DYNC1H1: variants seen among roughly 807,000 people sequenced by gnomAD.
DYNC1H1 encodes dynein cytoplasmic 1 heavy chain 1.
Under a neutral mutation model 527.1 loss-of-function variants are expected in DYNC1H1, and 51 were observed. The ratio of observed to expected loss-of-function variants is 0.10; its 90% CI spans 0.08 to 0.12. DYNC1H1 has a LOEUF of 0.12. Among genes scored for constraint, DYNC1H1 ranks in the 10% least tolerant of loss-of-function variants. The pLI, the probability that DYNC1H1 is intolerant of heterozygous loss-of-function variation, is 1.00. For synonymous variants in DYNC1H1, 2,189 were observed against 2,278.8 expected, an observed-to-expected ratio of 0.96 and a Z score of 1.12; for missense variants, 2,771 against 5,971.8, an observed-to-expected ratio of 0.46 and a Z score of 17.66.
chr14:102,041,979 G>T lies in DYNC1H1; in HGVS notation c.12103-34G>T, dbSNP rs747999277. ...CTTGACAGGTACACACTATTTGCTG[G>T]CACTGTAATAACTTCTGCCTTCTTT... On this transcript the variant is annotated intron_variant, in intron 65 of 77. Coordinates refer to ENST00000360184, the MANE Select transcript of DYNC1H1 (RefSeq NM_001376.5). The surrounding 1 kb of genome is among the most constrained non-coding windows in gnomAD (Gnocchi z 4.5). 3.1e-6 allele frequency: 5 copies of T among 1,605,050 alleles called. No homozygotes were observed. Among genetic ancestry groups the T allele is most frequent in the Non-Finnish European group, 4.3e-6 (5 of 1,171,980 alleles).
rs930797389 is a variant in DYNC1H1 at position 101,965,836 on chromosome 14, C to G, written c.256+889C>G. Among the ~76,000 whole-genome samples, 1 of 151,028 alleles carries G rather than the reference C, an allele frequency of 6.6e-6. No individual in the cohort carries two copies. Among genetic ancestry groups the G allele is most frequent in the African/African-American group, 2.4e-5 (1 of 40,988 alleles). On this transcript the variant is annotated intron_variant, in intron 1 of 77. Coordinates refer to ENST00000360184, the MANE Select transcript of DYNC1H1 (RefSeq NM_001376.5). This position sits in a 1 kb window ranked among gnomAD's most constrained non-coding sequence, Gnocchi z 4.1. ...CAGATTAAAAAAAAAAAAAAAGATT[C>G]AGGTTAGGCACCTAGTAGGGGGAAG...
In DYNC1H1 at chr14:102,038,447, G is replaced by C; in HGVS notation, c.10909-13G>C. 1 of 1,613,732 alleles carries C rather than the reference G, an allele frequency of 6.2e-7. No individual in the cohort carries two copies. Among genetic ancestry groups the C allele is most frequent in the Non-Finnish European group, 8.5e-7 (1 of 1,180,040 alleles). On this transcript the variant is annotated splice_polypyrimidine_tract_variant and intron_variant, in intron 57 of 77. Transcript: ENST00000360184. This position sits in a 1 kb window ranked among gnomAD's most constrained non-coding sequence, Gnocchi z 7.2. ...AAGCCCTGACCATCAAGTTCCACCC[G>C]TGTGGAATGCAGGATGTGGAAAGCT...
rs1042077658 is a variant in DYNC1H1, at chr14:102,018,682, C to T, written c.8343+66C>T. 6.3e-6 allele frequency: 10 copies of T among 1,582,452 alleles called. No homozygotes were observed. The Admixed American group carries it at 1.7e-4, about 28-fold the overall frequency. On this transcript the variant is annotated intron_variant, in intron 41 of 77. Transcript: ENST00000360184. This position sits in a 1 kb window ranked among gnomAD's most constrained non-coding sequence, Gnocchi z 5.2. ...CTCATAATTAAGGCACTCGATTGGT[C>T]AGGTGTGGTGGTTCACACCTGTAAT...
intron 17 of DYNC1H1, 48 bp from the exon 18 acceptor site, chr14:102,000,238 G>A (rs1377905252): frequency 2.5e-6 from 4 of 1,613,960 alleles, no homozygotes; most frequent in Non-Finnish European, 3.4e-6. Flanking sequence ...CAGATTCTGG[G>A]GTGATTTCTA....
intron 13 of DYNC1H1, 31 bp from the exon 14 acceptor site, chr14:101,994,955 G>A (rs753561802): frequency 6.2e-6 from 10 of 1,613,226 alleles, no homozygotes; most frequent in Non-Finnish European, 8.5e-6. Flanking sequence ...GGAAAGAGCT[G>A]ATGATGTGTT....
Position 102,018,750 on chromosome 14 carries a change from C to A in DYNC1H1, c.8343+134C>A. 2 of 1,241,538 alleles carry A rather than the reference C, an allele frequency of 1.6e-6. No individual in the cohort carries two copies. The highest frequency in any genetic ancestry group is 2.3e-6 in the Non-Finnish European group (2 of 881,716). The allele number at this position is 1,241,538 out of a possible 1,614,324, so 76.9% of individuals were successfully genotyped here. On this transcript the variant is annotated intron_variant, in intron 41 of 77. Transcript: ENST00000360184. The surrounding 1 kb of genome is among the most constrained non-coding windows in gnomAD (Gnocchi z 5.2). ...CCAAGGTGGGTGGATCCTTTGAGCC[C>A]AGGAGTTTGAGACCAGTCTGGACAA... is the stretch of plus-strand genomic sequence containing the variant.
At position 101,987,541 on chromosome 14, in the gene DYNC1H1, A is replaced by T; in HGVS notation, c.2627A>T (p.Glu876Val). The T allele has an allele frequency of 1.9e-6, 3 of 1,614,214 alleles. No individual in the cohort carries two copies. The highest frequency in any genetic ancestry group is 2.5e-6 in the Non-Finnish European group (3 of 1,180,042). ...ATGTATGACCATAAGACATTCTCGG[A>T]AATCTTGAACAGAGTCCAGAAAGCA... is the stretch of plus-strand genomic sequence containing the variant. ...TCMYDHKTFS[E>V]ILNRVQKAVD... Residue 876 changes from glutamate (E) to valine (V), a missense_variant, in exon 9 of 78, where the codon GAA becomes GTA. Physicochemically the swap from Glu to Val is moderately radical, Grantham distance 121. Around this residue, in one of 32 missense-constraint regions of DYNC1H1, gnomAD observed 179 missense variants for 349.4 expected, o/e 0.51. Coordinates refer to ENST00000360184, the MANE Select transcript of DYNC1H1 (RefSeq NM_001376.5).
intron 11 of DYNC1H1, among the ~76,000 whole-genome samples, chr14:101,993,448 C>T (rs2048021344): frequency 6.6e-6 from 1 of 152,178 alleles, no homozygotes; most frequent in Admixed American, 6.5e-5. Flanking sequence ...GCCCCAGTGG[C>T]TTGCTGGGCC....
At position 102,041,008 on chromosome 14, in the gene DYNC1H1, T is replaced by C; in HGVS notation, c.11941+335T>C. 2.4e-6 allele frequency: 1 copy of C among 415,796 alleles called. No homozygotes were observed. The highest frequency in any genetic ancestry group is 4.5e-6 in the Non-Finnish European group (1 of 221,292). The allele number at this position is 415,796 out of a possible 1,614,324, so 25.8% of individuals were successfully genotyped here. On this transcript the variant is annotated intron_variant, in intron 64 of 77. Transcript: ENST00000360184. The surrounding 1 kb of genome is among the most constrained non-coding windows in gnomAD (Gnocchi z 4.5). The stretch of plus-strand genomic sequence containing the variant: ...ATAAGTATTTCAATGTTAAAACTTT[T>C]TAAGGAAACCACTTAGGGAGATCGC...
intron 41 of DYNC1H1, 152 bp from the exon 42 acceptor site, chr14:102,019,741 A>G (rs2048364082): frequency 4.1e-6 from 4 of 974,450 alleles, no homozygotes; most frequent in East Asian, 5.5e-5. Flanking sequence ...AGCTGGGACT[A>G]CAGGCACCCA....
At chr14:102,050,006 C>G (rs2048783436) in intron 76 of DYNC1H1, 65 bp from the exon 77 acceptor site, 1 of 1,614,130 alleles carries the variant, frequency 6.2e-7, no homozygotes, top group South Asian at 1.1e-5. Context: ...TCTGGGCGCC[C>G]TGTGACTGGG....
intron 1 of DYNC1H1, 104 bp from the exon 2 acceptor site, chr14:101,975,608 A>AT (rs2047791967): frequency 1.9e-6 from 2 of 1,037,532 alleles, no homozygotes; most frequent in Non-Finnish European, 3.0e-6. Flanking sequence ...AGGTGTCGAT[A>AT]TGTCAGGCTG....
intron 1 of DYNC1H1, among the ~76,000 whole-genome samples, chr14:101,966,176 G>C (rs373188436): frequency 6.6e-6 from 1 of 152,218 alleles, no homozygotes; most frequent in Non-Finnish European, 1.5e-5. Flanking sequence ...AACACACACT[G>C]TGTTTCTGAT....
At chr14:102,013,742 C>T (rs2048287616) in intron 34 of DYNC1H1, among the ~76,000 whole-genome samples, 1 of 151,606 alleles carries the variant, frequency 6.6e-6, no homozygotes, top group Non-Finnish European at 1.5e-5. Context: ...GTCTGGCTGC[C>T]GTTTGGAGAA....
Position 102,017,217 on chromosome 14 carries a change from G to A in DYNC1H1, c.7978G>A (p.Val2660Met). The part of the protein sequence containing the change: ...LAPVQLGKWL[V>M]LFCDEINLPD... ...TCCTGTTCAACTTGGAAAGTGGCTG[G>A]TGTTGTTCTGTGATGAAATCAACTT... The change falls in exon 39 of 78, where the codon GTG becomes ATG. Residue 2660 changes from valine (V) to methionine (M), a missense_variant. Physicochemically the swap from Val to Met is conservative, Grantham distance 21. Around this residue, in one of 32 missense-constraint regions of DYNC1H1, gnomAD observed 163 missense variants for 346.9 expected, o/e 0.47. Transcript: ENST00000360184. The surrounding 1 kb of genome is among the most constrained non-coding windows in gnomAD (Gnocchi z 4.6). 1 of 1,614,246 alleles carries A rather than the reference G, an allele frequency of 6.2e-7. No individual in the cohort carries two copies. Among genetic ancestry groups the A allele is most frequent in the Non-Finnish European group, 8.5e-7 (1 of 1,180,056 alleles).
chr14:102,042,543 G>A lies in DYNC1H1; in HGVS notation c.12399+36G>A, dbSNP rs1298247888. The A allele has an allele frequency of 1.2e-6, 2 of 1,613,992 alleles. No individual in the cohort carries two copies. Among genetic ancestry groups the A allele is most frequent in the African/African-American group, 1.3e-5 (1 of 75,054 alleles). ...GAAGGAGTGGAGACGTTGCAGGCTG[G>A]CCTGGCACTGTGCTGTCGGCACGTG... On this transcript the variant is annotated intron_variant, in intron 68 of 77. Transcript: ENST00000360184. The surrounding 1 kb of genome is among the most constrained non-coding windows in gnomAD (Gnocchi z 5.7).
chr14:102,034,269 G>C (rs1263821967), intron 55 of DYNC1H1, 56 bp from the exon 56 acceptor site: 1 of 1,614,200 alleles, frequency 6.2e-7, no homozygotes, highest in Non-Finnish European at 8.5e-7. Flanking sequence ...AGAGTCTTGA[G>C]AACAGTCCCA....
At position 102,009,885 on chromosome 14, in the gene DYNC1H1, A is replaced by G; in HGVS notation, c.6020A>G (p.Lys2007Arg). 3 of 1,614,090 alleles carry G rather than the reference A, an allele frequency of 1.9e-6. No homozygotes were observed. The highest frequency in any genetic ancestry group is 2.2e-5 in the East Asian group (1 of 44,876). ...TGTGAGCTGCTGAACAAACAAGTCAAGGTGAGCCCGGACATGGCCATCTTC... is the reference window on the plus strand; with the variant it reads ...TGTGAGCTGCTGAACAAACAAGTCAGGGTGAGCCCGGACATGGCCATCTTC... ...ITCELLNKQV[K>R]VSPDMAIFIT... The change falls in exon 30 of 78, where the codon AAG (lysine) becomes AGG (arginine). Residue 2007 changes from lysine to arginine, a missense_variant. By Grantham distance (26) the Lys-to-Arg change is conservative. Transcript: ENST00000360184.
In DYNC1H1 at chr14:102,018,882, C is replaced by T. The variant is rs1038184127; in HGVS notation, c.8343+266C>T. On this transcript the variant is annotated intron_variant, in intron 41 of 77. Coordinates refer to ENST00000360184, the MANE Select transcript of DYNC1H1 (RefSeq NM_001376.5). The surrounding 1 kb of genome is among the most constrained non-coding windows in gnomAD (Gnocchi z 5.2). ...TGGGAGAGTTGCTTGAACCTGGAGG[C>T]AGAGCTTACGATGAGCCATGATTGT... is the stretch of plus-strand genomic sequence containing the variant. Among the ~76,000 whole-genome samples, 2 of 152,100 alleles carry T rather than the reference C, an allele frequency of 1.3e-5. No homozygotes were observed. The highest frequency in any genetic ancestry group is 2.4e-5 in the African/African-American group (1 of 41,404).
Sources: allele counts gnomAD v4.1 joint callset (sites outside exome capture counted in the v4.1 genomes callset), GRCh38; gene constraint gnomAD v4.1.1; regional missense constraint gnomAD v4.1.1; non-coding constraint Gnocchi (gnomAD v3.1); transcripts MANE v1.5; gene names NCBI Gene and HGNC (gene_info 2026-07-23, HGNC 2026-07-21).